CNIH3: variants seen among roughly 807,000 people sequenced by gnomAD.
CNIH3 encodes the protein protein cornichon homolog 3.
A neutral mutation model predicts 24.1 loss-of-function variants in CNIH3; 14 were observed. That is an observed-to-expected ratio of 0.58 (90% CI 0.38 to 0.91). CNIH3 has a LOEUF of 0.91. Ranked by LOEUF, CNIH3 falls within the 40% of genes least tolerant of loss-of-function variation. The pLI, the probability that CNIH3 is intolerant of heterozygous loss-of-function variation, is 0.00. For synonymous variants in CNIH3, 68 were observed against 73.8 expected (o/e 0.92, Z 0.40); for missense variants, 178 against 196.8 (o/e 0.90, Z 0.57).
intron 3 of CNIH3, among the ~76,000 whole-genome samples, chr1:224,708,714 A>G (rs987567734): frequency 2.2e-4 from 34 of 152,198 alleles, no homozygotes; most frequent in African/African-American, 7.7e-4. Context: ...GCATGAGACC[A>G]TCTTAGTTTT....
chr1:224,722,290 A>G (rs1265452345), intron 3 of CNIH3, among the ~76,000 whole-genome samples: 1 of 152,126 alleles, frequency 6.6e-6, no homozygotes, highest in Admixed American at 6.5e-5. Flanking sequence ...TAACAAAATC[A>G]CCTGGAATGC....
intron 1 of CNIH3, among the ~76,000 whole-genome samples, chr1:224,679,790 T>C (rs904674848): frequency 9.2e-5 from 14 of 152,214 alleles, no homozygotes; most frequent in African/African-American, 1.9e-4. Flanking sequence ...TGTTGCTGGA[T>C]TGGGGACATC....
Position 224,468,144 on chromosome 1 carries a change from T to G in CNIH3, n.203+33282T>G, listed in dbSNP as rs1435502484. On this transcript the variant is annotated intron_variant and non_coding_transcript_variant, in intron 1 of 5. Coordinates refer to the CNIH3 transcript ENST00000471578. ...TAGAATGATTCTTCTTACAACATTC[T>G]TCTTTTTCAAAATTGTCGTAACTAT... is the stretch of plus-strand genomic sequence containing the variant. 2.0e-5 allele frequency among the ~76,000 whole-genome samples: 3 copies of G among 152,202 alleles called. No homozygotes were observed. The East Asian group carries it at 5.8e-4, about 29-fold the overall frequency.
chr1:224,631,247 G>T (rs1382588909), intron 1 of CNIH3, among the ~76,000 whole-genome samples: 1 of 152,256 alleles, frequency 6.6e-6, no homozygotes, highest in Admixed American at 6.5e-5. Context: ...CTTTTCACTG[G>T]ATCCCTTTCA....
chr1:224,662,599 A>G (rs1222115874), intron 1 of CNIH3, among the ~76,000 whole-genome samples: 1 of 152,226 alleles, frequency 6.6e-6, no homozygotes, highest in African/African-American at 2.4e-5. Context: ...AATCTTACCA[A>G]TAATTTTAAA....
At chr1:224,509,041 G>T (rs1259726141) in intron 1 of CNIH3, among the ~76,000 whole-genome samples, 1 of 152,202 alleles carries the variant, frequency 6.6e-6, no homozygotes, top group Non-Finnish European at 1.5e-5. Flanking sequence ...AAAAAGCCCT[G>T]GCTGGGCATG....
chr1:224,681,058 C>T (rs748318094), intron 2 of CNIH3, 32 bp downstream of exon 2: 8 of 1,584,432 alleles, frequency 5.0e-6, no homozygotes, highest in South Asian at 1.1e-5. Context: ...GGGGAAGGTG[C>T]TATCACCCCA....
intron 3 of CNIH3, among the ~76,000 whole-genome samples, chr1:224,564,510 A>C (rs547812331): frequency 1.3e-5 from 2 of 152,294 alleles, no homozygotes; most frequent in South Asian, 4.1e-4. Context: ...AACCCCTCCC[A>C]CTGGCAACCC....
At chr1:224,735,778 G>A (rs1180525826) in intron 5 of CNIH3, among the ~76,000 whole-genome samples, 1 of 151,954 alleles carries the variant, frequency 6.6e-6, no homozygotes, top group Non-Finnish European at 1.5e-5. Context: ...CTTAACCTGA[G>A]TAGCTGGGAC....
In CNIH3 at chr1:224,687,719, C is replaced by T. The variant is rs966605543; in HGVS notation, c.198+2876C>T. On this transcript the variant is annotated intron_variant, in intron 3 of 5. Coordinates refer to ENST00000272133, the MANE Select transcript of CNIH3 (RefSeq NM_152495.2). Reference sequence around the variant, plus strand: ...CAGGACCACCAGCTTTGCACCCTTGCACAGTAACAGACCAATACACTGAGA... The same window carrying T: ...CAGGACCACCAGCTTTGCACCCTTGTACAGTAACAGACCAATACACTGAGA... Among the ~76,000 whole-genome samples, 3 of 152,172 alleles carry T rather than the reference C, an allele frequency of 2.0e-5. No individual in the cohort carries two copies. In the South Asian group the frequency reaches 6.2e-4, roughly 32 times the overall value.
At position 224,452,514 on chromosome 1, in the gene CNIH3, G is replaced by A. The variant is rs192601069; in HGVS notation, n.203+17652G>A. ...AGTAAAGTGTTGGCCGGGCACGGTG[G>A]CTCACACCTGTAATCCCAGCACTTT... On this transcript the variant is annotated intron_variant and non_coding_transcript_variant, in intron 1 of 5. Transcript: ENST00000471578. 3.0e-4 allele frequency among the ~76,000 whole-genome samples: 46 copies of A among 151,832 alleles called. No individual in the cohort carries two copies. In the East Asian group the frequency reaches 5.9e-3, roughly 20 times the overall value.
rs1675791878 is a variant in CNIH3, at chr1:224,458,924, A to T, written n.203+24062A>T. Among the ~76,000 whole-genome samples, 2 of 152,198 alleles carry T rather than the reference A, an allele frequency of 1.3e-5. No individual in the cohort carries two copies. The highest frequency in any genetic ancestry group is 2.1e-4 in the South Asian group (1 of 4,830). On this transcript the variant is annotated intron_variant and non_coding_transcript_variant, in intron 1 of 5. Transcript: ENST00000471578. This position sits in a 1 kb window ranked among gnomAD's most constrained non-coding sequence, Gnocchi z 4.3. ...AGAACTTAGGAGGGGAGCGCTTTGC[A>T]GCAACTTTTCAAGAAAAGGGGAAAA...
At chr1:224,501,522 TATA>T (rs1156458227) in intron 1 of CNIH3, among the ~76,000 whole-genome samples, 24 of 97,044 alleles carry the variant, frequency 2.5e-4, no homozygotes, top group African/African-American at 6.0e-4. Context: ...TATATATATA[TATA>T]TTTTTTTTTT....
chr1:224,481,840 C>A (rs910093377), intron 1 of CNIH3, among the ~76,000 whole-genome samples: 1 of 152,216 alleles, frequency 6.6e-6, no homozygotes, highest in South Asian at 2.1e-4. Context: ...CCCTTAAGAG[C>A]GGTGAGTTCC....
rs1369513978 is a variant in CNIH3, at chr1:224,445,854, A to T, written n.203+10992A>T. The stretch of plus-strand genomic sequence containing the variant: ...GGGCATAAATATATTCTTCTGTGTT[A>T]TATCCTCTGGAAGTTTCAACGTTTT... On this transcript the variant is annotated intron_variant and non_coding_transcript_variant, in intron 1 of 5. Transcript: ENST00000471578. 2.0e-5 allele frequency among the ~76,000 whole-genome samples: 3 copies of T among 152,242 alleles called. No homozygotes were observed. In the East Asian group the frequency reaches 5.8e-4, roughly 29 times the overall value.
chr1:224,645,109 T>G (rs1684539240), intron 1 of CNIH3, among the ~76,000 whole-genome samples: 1 of 152,164 alleles, frequency 6.6e-6, no homozygotes, highest in South Asian at 2.1e-4. Context: ...TTATTTCAGT[T>G]TTACAGATGC....
chr1:224,722,025 G>A (rs1248677124), intron 3 of CNIH3, among the ~76,000 whole-genome samples: 3 of 152,130 alleles, frequency 2.0e-5, no homozygotes, highest in South Asian at 2.1e-4. Context: ...TGCAAATGCC[G>A]GTTGCCCAGA....
At chr1:224,679,470 T>G (rs921421751) in intron 1 of CNIH3, among the ~76,000 whole-genome samples, 3 of 152,186 alleles carry the variant, frequency 2.0e-5, no homozygotes, top group Non-Finnish European at 4.4e-5. Flanking sequence ...AGGCTGTGGG[T>G]GGAAGCTTCA....
intron 3 of CNIH3, among the ~76,000 whole-genome samples, chr1:224,728,185 G>A (rs2125237224): frequency 6.6e-6 from 1 of 152,340 alleles, no homozygotes; most frequent in South Asian, 2.1e-4. Context: ...CTCAGCTTAA[G>A]TGGCTGAAAC....
Sources: allele counts gnomAD v4.1 joint callset (sites outside exome capture counted in the v4.1 genomes callset), GRCh38; gene constraint gnomAD v4.1.1; non-coding constraint Gnocchi (gnomAD v3.1); transcripts MANE v1.5; gene names NCBI Gene and HGNC (gene_info 2026-07-23, HGNC 2026-07-21).